SPOCK1: variants seen among roughly 807,000 people sequenced by gnomAD.
The protein encoded by SPOCK1 is testican-1.
Under a neutral mutation model 55.3 loss-of-function variants are expected in SPOCK1, and 23 were observed. That is an observed-to-expected ratio of 0.42 (90% confidence interval 0.30 to 0.59). The LOEUF is 0.59. Among genes scored for constraint, SPOCK1 ranks in the 20% least tolerant of loss-of-function variants. SPOCK1 has a pLI of 0.22. For synonymous variants in SPOCK1, 226 were observed against 221.0 expected (o/e 1.02, Z -0.20); for missense variants, 499 against 552.5 (o/e 0.90, Z 0.97).
At chr5:137,040,858 A>G (rs561332384) in intron 6 of SPOCK1, among the ~76,000 whole-genome samples, 2 of 152,310 alleles carry the variant, frequency 1.3e-5, no homozygotes, top group East Asian at 3.9e-4. Context: ...CCATCTGCTG[A>G]ACTCACTGGC....
intron 5 of SPOCK1, among the ~76,000 whole-genome samples, chr5:137,085,659 G>T (rs1752950059): frequency 6.6e-6 from 1 of 152,224 alleles, no homozygotes; most frequent in Non-Finnish European, 1.5e-5. Flanking sequence ...CTCCCGGTCA[G>T]TCATTCCTGA....
intron 2 of SPOCK1, among the ~76,000 whole-genome samples, chr5:137,430,096 T>G (rs1752713274): frequency 6.6e-6 from 1 of 152,206 alleles, no homozygotes; most frequent in African/African-American, 2.4e-5. Context: ...AAACAGCGTT[T>G]GATGAGGATG....
At chr5:137,119,781 TTACTGAGC>T (rs1423750196) in intron 4 of SPOCK1, among the ~76,000 whole-genome samples, 2 of 152,202 alleles carry the variant, frequency 1.3e-5, no homozygotes, top group African/African-American at 4.8e-5. Context: ...AGCTAAACAT[TTACTGAGC>T]TGCCTTATAA....
chr5:137,498,466 C>A lies in SPOCK1; in HGVS notation c.93G>T (p.Ala31=), dbSNP rs1177622346. The A allele has an allele frequency of 6.2e-7, 1 of 1,607,730 alleles. No individual in the cohort carries two copies. Among genetic ancestry groups the A allele is most frequent in the East Asian group, 2.2e-5 (1 of 44,552 alleles). The stretch of plus-strand genomic sequence containing the variant: ...CTAGGAAATTGCCGTGGTTGGGGCC[C>A]GCGCCTCCGGCGAGCGCGTCCAGGT... ...SRHLDALAGG[A]GPNHGNFLDN... Residue 31 remains alanine (A), a synonymous_variant, in exon 2 of 11, where the codon GCG becomes GCT. Transcript: ENST00000394945.
At chr5:137,185,750 T>G (rs1340658772) in intron 3 of SPOCK1, among the ~76,000 whole-genome samples, 1 of 152,124 alleles carries the variant, frequency 6.6e-6, no homozygotes, top group Non-Finnish European at 1.5e-5. Context: ...AAAACAGATG[T>G]GAGCCAGGCT....
rs1189986828 is a variant in SPOCK1 at position 137,112,497 on chromosome 5, G to A, written c.412C>T (p.Pro138Ser). The A allele has an allele frequency of 6.2e-7, 1 of 1,613,894 alleles. No homozygotes were observed. Among genetic ancestry groups the A allele is most frequent in the Non-Finnish European group, 8.5e-7 (1 of 1,179,998 alleles). Residue 138 changes from proline (P) to serine (S), a missense_variant, in exon 5 of 11, where the codon CCC becomes TCC. Coordinates refer to ENST00000394945, the MANE Select transcript of SPOCK1 (RefSeq NM_004598.4). Reference sequence around the variant, plus strand: ...ATGGCTGACTGTGCCACGGGACAGGGCTTGCACTTGACCAAATTCGAAGGT... The same window carrying A: ...ATGGCTGACTGTGCCACGGGACAGGACTTGCACTTGACCAAATTCGAAGGT... ...VGPSNLVKCK[P>S]CPVAQSAMVC...
chr5:137,471,761 CAGCCAGAAAAGG>C (rs1183346853), intron 2 of SPOCK1, among the ~76,000 whole-genome samples: 3 of 152,168 alleles, frequency 2.0e-5, no homozygotes, highest in Admixed American at 6.5e-5. Flanking sequence ...AAGGTCTCAG[CAGCCAGAAAAGG>C]AGCATCTCCC....
rs376626748 is a variant in SPOCK1, at chr5:137,037,740, C to T, written c.589+29975G>A. ...AAAAGTTTCCTGATACATAAATACG[C>T]GTTGGGAATAACAGACCTAGAAATG... On this transcript the variant is annotated intron_variant, in intron 6 of 10. Transcript: ENST00000394945. Among the ~76,000 whole-genome samples the T allele has an allele frequency of 3.9e-4, 60 of 152,218 alleles. No individual in the cohort carries two copies. The South Asian group carries it at 0.011, about 28-fold the overall frequency.
At chr5:137,244,813 C>T (rs185219665) in intron 3 of SPOCK1, among the ~76,000 whole-genome samples, 6 of 152,350 alleles carry the variant, frequency 3.9e-5, no homozygotes, top group African/African-American at 1.2e-4. Context: ...ATGCTCTCTG[C>T]CATGCCAGTT....
intron 2 of SPOCK1, among the ~76,000 whole-genome samples, chr5:137,443,087 G>T (rs1753051581): frequency 6.6e-6 from 1 of 152,110 alleles, no homozygotes; most frequent in East Asian, 1.9e-4. Context: ...GGGTGGAAAA[G>T]AACATGGGCT....
intron 3 of SPOCK1, among the ~76,000 whole-genome samples, chr5:137,166,925 C>T (rs1014703239): frequency 6.6e-6 from 1 of 151,904 alleles, no homozygotes; most frequent in East Asian, 1.9e-4. Flanking sequence ...CACAAAACAA[C>T]CAGGAGGCAA....
chr5:137,282,411 G>A (rs113167497), intron 2 of SPOCK1, among the ~76,000 whole-genome samples: 1,792 of 152,290 alleles, frequency 0.012, 40 homozygotes, highest in African/African-American at 0.041. Flanking sequence ...AAGCAAACAC[G>A]CATGTGTGAT....
chr5:137,303,577 G>A (rs955393510), intron 2 of SPOCK1, among the ~76,000 whole-genome samples: 4 of 152,214 alleles, frequency 2.6e-5, no homozygotes, highest in African/African-American at 9.7e-5. Flanking sequence ...CGATGACAGA[G>A]GATCAATGTA....
intron 3 of SPOCK1, among the ~76,000 whole-genome samples, chr5:137,155,870 G>A (rs562561148): frequency 6.6e-6 from 1 of 152,314 alleles, no homozygotes; most frequent in East Asian, 1.9e-4. Flanking sequence ...CCCTGTTAGA[G>A]GGCAGACCCA....
chr5:137,087,949 C>CCT (rs1179521908), intron 5 of SPOCK1, among the ~76,000 whole-genome samples: 3 of 152,196 alleles, frequency 2.0e-5, no homozygotes, highest in Non-Finnish European at 2.9e-5. Context: ...TTTCTCTAAG[C>CCT]CTGTTGGTGC....
chr5:137,101,243 G>A (rs2127025519), intron 5 of SPOCK1, among the ~76,000 whole-genome samples: 1 of 152,342 alleles, frequency 6.6e-6, no homozygotes, highest in East Asian at 1.9e-4. Flanking sequence ...ATAGCACTGT[G>A]TCTATTCATT....
At chr5:137,062,962 C>G (rs2348184) in intron 6 of SPOCK1, among the ~76,000 whole-genome samples, 1 of 151,778 alleles carries the variant, frequency 6.6e-6, no homozygotes, top group Non-Finnish European at 1.5e-5. Flanking sequence ...GGGCCGGGCG[C>G]GGTGGCTCAC....
chr5:137,088,350 G>A (rs143934851), intron 5 of SPOCK1, among the ~76,000 whole-genome samples: 196 of 152,314 alleles, frequency 1.3e-3, no homozygotes, highest in Non-Finnish European at 2.2e-3. Context: ...TTATCAATGT[G>A]AGCTGGTTGT....
At chr5:137,498,320 G>T in intron 2 of SPOCK1, 53 bp downstream of exon 2, 14 of 1,483,102 alleles carry the variant, frequency 9.4e-6, no homozygotes, top group Non-Finnish European at 1.2e-5. Context: ...CGCTTCAGGG[G>T]TCCCCTCCGA....
Sources: allele counts gnomAD v4.1 joint callset (sites outside exome capture counted in the v4.1 genomes callset), GRCh38; gene constraint gnomAD v4.1.1; transcripts MANE v1.5; gene names NCBI Gene and HGNC (gene_info 2026-07-23, HGNC 2026-07-21).